Variants in ELP4 observed in about 807,000 individuals in gnomAD.
ELP4 encodes elongator complex protein 4.
Under a neutral mutation model 48.9 loss-of-function variants are expected in ELP4, and 51 were observed. The ratio of observed to expected loss-of-function variants is 1.04; its 90% CI spans 0.83 to 1.32. The LOEUF (loss-of-function observed/expected upper bound fraction) is 1.32, where lower values mean the gene tolerates loss of function less well. ELP4 is among the 40% of genes most tolerant of loss of function. The probability of loss-of-function intolerance (pLI) is 0.00; values close to 1 mark genes in which losing one functional copy is unlikely to be tolerated. For missense variants in ELP4, 519 were observed against 514.6 expected (o/e 1.01, Z -0.08); for synonymous variants, 210 against 189.2 (o/e 1.11, Z -0.90).
chr11:31,553,382 G>C (rs1396361283), intron 3 of ELP4, among the ~76,000 whole-genome samples: 1 of 151,940 alleles, frequency 6.6e-6, no homozygotes, highest in East Asian at 1.9e-4. Context: ...CCCTAATTTG[G>C]GTGGGCCTCA....
At chr11:31,618,794 A>T (rs1166652229) in intron 5 of ELP4, among the ~76,000 whole-genome samples, 1 of 152,138 alleles carries the variant, frequency 6.6e-6, no homozygotes, top group Non-Finnish European at 1.5e-5. Flanking sequence ...ATATTCTAAA[A>T]TTATGGTAAT....
chr11:31,528,294 A>G (rs1477212463), intron 2 of ELP4, among the ~76,000 whole-genome samples: 1 of 152,126 alleles, frequency 6.6e-6, no homozygotes, highest in African/African-American at 2.4e-5. Context: ...GGTAAAGGCA[A>G]TTAAATTATA....
chr11:31,532,419 A>G (rs148746507), intron 2 of ELP4, among the ~76,000 whole-genome samples: 2 of 152,338 alleles, frequency 1.3e-5, no homozygotes, highest in Non-Finnish European at 2.9e-5. Flanking sequence ...ATGGGGAGCA[A>G]GAAAAAAGTC....
At chr11:31,511,404 A>G (rs1956002255) in intron 1 of ELP4, 1 of 152,184 alleles carries the variant, frequency 6.6e-6, no homozygotes, top group South Asian at 2.1e-4. Flanking sequence ...TGTTTCTATT[A>G]TAATGTCTTC....
chr11:31,695,422 G>T (rs939981622), intron 9 of ELP4, among the ~76,000 whole-genome samples: 12 of 152,064 alleles, frequency 7.9e-5, no homozygotes, highest in Non-Finnish European at 1.8e-4. Flanking sequence ...TAATTATGTG[G>T]TTTTTGTCTT....
intron 9 of ELP4, among the ~76,000 whole-genome samples, chr11:31,672,608 A>G (rs1468124495): frequency 2.0e-5 from 3 of 152,140 alleles, no homozygotes; most frequent in South Asian, 2.1e-4. Context: ...TCTGGGCAAC[A>G]TGGCAAAACC....
At chr11:31,711,351 C>T (rs1490344289) in intron 9 of ELP4, among the ~76,000 whole-genome samples, 3 of 152,058 alleles carry the variant, frequency 2.0e-5, no homozygotes, top group Admixed American at 6.6e-5. Flanking sequence ...AGTGGTCTGA[C>T]GGCTTCTGAC....
At position 31,579,390 on chromosome 11, in the gene ELP4, A is replaced by T. The variant is rs577658213; in HGVS notation, c.382-15380A>T. On this transcript the variant is annotated intron_variant, in intron 3 of 9. Transcript: ENST00000640961. ...AAGACAGTGTGGCGATTCCTCAAGG[A>T]TCTAGAACTAGAAATACCATTAGAC... 2.0e-4 allele frequency among the ~76,000 whole-genome samples: 31 copies of T among 152,300 alleles called. 1 individual carries two copies. The highest frequency in any genetic ancestry group is 4.1e-4 in the South Asian group (2 of 4,822).
chr11:31,703,957 C>T (rs1182216912), intron 9 of ELP4, among the ~76,000 whole-genome samples: 3 of 152,134 alleles, frequency 2.0e-5, no homozygotes, highest in African/African-American at 7.2e-5. Flanking sequence ...TATATGCACT[C>T]ACATATTCAG....
intron 5 of ELP4, among the ~76,000 whole-genome samples, chr11:31,622,125 A>T (rs1325695455): frequency 6.6e-6 from 1 of 151,888 alleles, no homozygotes; most frequent in African/African-American, 2.4e-5. Flanking sequence ...ATATAATTAA[A>T]ATCAGGTAGT....
intron 3 of ELP4, among the ~76,000 whole-genome samples, chr11:31,553,753 CA>C (rs1393105916): frequency 6.6e-6 from 1 of 151,634 alleles, no homozygotes; most frequent in African/African-American, 2.4e-5. Context: ...CACACACACA[CA>C]CACACACACA....
chr11:31,682,977 C>T (rs1462605410), intron 9 of ELP4, among the ~76,000 whole-genome samples: 2 of 152,112 alleles, frequency 1.3e-5, no homozygotes, highest in African/African-American at 2.4e-5. Context: ...TTATTTCACC[C>T]ATAGTGCCAA....
intron 9 of ELP4, among the ~76,000 whole-genome samples, chr11:31,667,458 A>T (rs1592206171): frequency 6.6e-6 from 1 of 152,324 alleles, no homozygotes; most frequent in Admixed American, 6.5e-5. Flanking sequence ...GTGATTACTT[A>T]GTATAATGAG....
At chr11:31,570,790 CTTT>C (rs1183889559) in intron 3 of ELP4, among the ~76,000 whole-genome samples, 1 of 86,038 alleles carries the variant, frequency 1.2e-5, no homozygotes, top group African/African-American at 5.5e-5. Flanking sequence ...ACTGTAAACT[CTTT>C]TTTTTTTTTT....
intron 9 of ELP4, among the ~76,000 whole-genome samples, chr11:31,721,600 T>TC (rs1946959622): frequency 6.6e-6 from 1 of 152,160 alleles, no homozygotes; most frequent in Non-Finnish European, 1.5e-5. Context: ...CTTCTTTCAT[T>TC]CAGCACACTT....
At chr11:31,647,429 G>C (rs918626520) in intron 7 of ELP4, 1 of 226,480 alleles carries the variant, frequency 4.4e-6, no homozygotes, top group Admixed American at 5.3e-5. Context: ...AGGTAGTCTT[G>C]TTCCTTAATA....
rs188060921 is a variant in ELP4, at chr11:31,588,457, G to A, written c.382-6313G>A. 2.4e-3 allele frequency among the ~76,000 whole-genome samples: 364 copies of A among 152,212 alleles called. 3 individuals are homozygous for A. The highest frequency in any genetic ancestry group is 8.5e-3 in the African/African-American group (353 of 41,530). Reference sequence around the variant, plus strand: ...GTTTCTCTGGTCTCTTAACAACTTTGGTATTTTTAGATGTTTCATTTGTTT... The same window carrying A: ...GTTTCTCTGGTCTCTTAACAACTTTAGTATTTTTAGATGTTTCATTTGTTT... On this transcript the variant is annotated intron_variant, in intron 3 of 9. Coordinates refer to ENST00000640961, the MANE Select transcript of ELP4 (RefSeq NM_019040.5).
chr11:31,740,805 A>G (rs1422813582), intron 9 of ELP4, among the ~76,000 whole-genome samples: 1 of 152,222 alleles, frequency 6.6e-6, no homozygotes, highest in Non-Finnish European at 1.5e-5. Flanking sequence ...TACAGCTCCC[A>G]GCGTGAGTGA....
intron 9 of ELP4, among the ~76,000 whole-genome samples, chr11:31,752,386 A>G (rs1947739787): frequency 6.6e-6 from 1 of 152,206 alleles, no homozygotes; most frequent in Non-Finnish European, 1.5e-5. Flanking sequence ...ACCATCAGGA[A>G]CAAAGAGAAT....
Sources: allele counts gnomAD v4.1 joint callset (sites outside exome capture counted in the v4.1 genomes callset), GRCh38; gene constraint gnomAD v4.1.1; transcripts MANE v1.5; gene names NCBI Gene and HGNC (gene_info 2026-07-23, HGNC 2026-07-21).